Variants in CTNND2 observed in about 807,000 individuals in gnomAD.
CTNND2 encodes the protein catenin delta 2.
Under a neutral mutation model 144.4 loss-of-function variants are expected in CTNND2, and 22 were observed. The ratio of observed to expected loss-of-function variants is 0.15; its 90% confidence interval spans 0.11 to 0.22. The LOEUF (loss-of-function observed/expected upper bound fraction) is 0.22. Ranked by LOEUF, CTNND2 falls within the 10% of genes least tolerant of loss-of-function variation. The pLI is 1.00. For synonymous variants in CTNND2, 751 were observed against 695.6 expected (o/e 1.08, Z -1.25); for missense variants, 1,353 against 1,618.8 (o/e 0.84, Z 2.82).
intron 2 of CTNND2, among the ~76,000 whole-genome samples, chr5:11,646,726 C>A (rs1474804951): frequency 2.0e-5 from 3 of 152,072 alleles, no homozygotes; most frequent in Admixed American, 6.5e-5. Flanking sequence ...GCTTTTCTTC[C>A]CTTCCTCTCT....
At chr5:11,331,403 G>T (rs1172483737) in intron 9 of CTNND2, among the ~76,000 whole-genome samples, 5 of 152,192 alleles carry the variant, frequency 3.3e-5, no homozygotes, top group African/African-American at 1.2e-4. Flanking sequence ...AAAAGGCACA[G>T]TAGGAACTCC....
chr5:11,897,088 C>G (rs937807571), intron 1 of CTNND2, among the ~76,000 whole-genome samples: 2 of 152,124 alleles, frequency 1.3e-5, no homozygotes, highest in Admixed American at 6.5e-5. Flanking sequence ...GATTCTTCTT[C>G]CTTATTTGGT....
intron 3 of CTNND2, among the ~76,000 whole-genome samples, chr5:11,479,855 G>A (rs31937): frequency 0.43 from 64,978 of 151,724 alleles, 14,080 homozygotes; most frequent in Middle Eastern, 0.58. Flanking sequence ...TTTCTTATAA[G>A]TTGGTTTAAG....
At chr5:11,659,916 G>T (rs1020433808) in intron 2 of CTNND2, among the ~76,000 whole-genome samples, 1 of 152,112 alleles carries the variant, frequency 6.6e-6, no homozygotes, top group African/African-American at 2.4e-5. Context: ...TCTTACTGTA[G>T]TAGTAATAGT....
chr5:11,521,668 T>A (rs918836164), intron 3 of CTNND2, among the ~76,000 whole-genome samples: 1 of 152,350 alleles, frequency 6.6e-6, no homozygotes, highest in South Asian at 2.1e-4. Context: ...ATTTAGTAAA[T>A]GTATATTAAG....
chr5:11,015,410 C>G (rs1178728724), intron 18 of CTNND2, among the ~76,000 whole-genome samples: 1 of 152,166 alleles, frequency 6.6e-6, no homozygotes, highest in Non-Finnish European at 1.5e-5. Context: ...ATCATGGGTC[C>G]ACTGAAAACA....
At chr5:11,758,045 A>T (rs1789048408) in intron 1 of CTNND2, among the ~76,000 whole-genome samples, 1 of 151,970 alleles carries the variant, frequency 6.6e-6, no homozygotes, top group Non-Finnish European at 1.5e-5. Context: ...TTTGGATGTA[A>T]TAGTTCTTTT....
intron 15 of CTNND2, among the ~76,000 whole-genome samples, chr5:11,091,744 T>C (rs1450972611): frequency 1.3e-5 from 2 of 152,218 alleles, no homozygotes; most frequent in East Asian, 1.9e-4. Context: ...CAGTGGCCCA[T>C]GGATTATGAG....
At chr5:11,471,676 G>A (rs1412840122) in intron 3 of CTNND2, among the ~76,000 whole-genome samples, 2 of 152,138 alleles carry the variant, frequency 1.3e-5, no homozygotes, top group Non-Finnish European at 2.9e-5. Flanking sequence ...ATTCTATAAA[G>A]GCCAAAAAGT....
At chr5:11,644,451 G>A (rs1782238671) in intron 2 of CTNND2, among the ~76,000 whole-genome samples, 1 of 152,120 alleles carries the variant, frequency 6.6e-6, no homozygotes, top group Non-Finnish European at 1.5e-5. Flanking sequence ...AAGACGGGTG[G>A]ATCAGGAGGT....
intron 9 of CTNND2, among the ~76,000 whole-genome samples, chr5:11,250,487 C>CTATATATATA (rs1282598853): frequency 2.7e-4 from 18 of 67,182 alleles, no homozygotes; most frequent in Non-Finnish European, 4.3e-4. Context: ...CTCTCTCTCT[C>CTATATATATA]TCTCTATATA....
intron 12 of CTNND2, among the ~76,000 whole-genome samples, chr5:11,147,203 C>A (rs1263301343): frequency 1.3e-5 from 2 of 152,128 alleles, no homozygotes; most frequent in Non-Finnish European, 2.9e-5. Context: ...GCCTTAAATA[C>A]CCAAGCACAC....
At chr5:11,349,426 G>A (rs1276598674) in intron 8 of CTNND2, among the ~76,000 whole-genome samples, 2 of 152,102 alleles carry the variant, frequency 1.3e-5, no homozygotes, top group East Asian at 3.9e-4. Context: ...AGGAAACTGA[G>A]GCTCAGAGAG....
Position 11,110,926 on chromosome 5 carries a change from T to C in CTNND2, c.2395A>G (p.Asn799Asp), listed in dbSNP as rs765926897. 1 of 1,614,156 alleles carries C rather than the reference T, an allele frequency of 6.2e-7. No homozygotes were observed. Among genetic ancestry groups the C allele is most frequent in the South Asian group, 1.1e-5 (1 of 91,078 alleles). ...CCAGAGCTCTCAGCATCCTTGCCAT[T>C]GGCCTCGCCACAGAGTAGCCCGTCC... Reference protein sequence around the residue: ...ELDGLLCGEANGKDAESSGCW... With the variant: ...ELDGLLCGEADGKDAESSGCW... Residue 799 changes from asparagine (N) to aspartate (D), a missense_variant, in exon 14 of 22, where the codon AAT becomes GAT. Around this residue, in one of 4 missense-constraint regions of CTNND2, gnomAD observed 459 missense variants for 674.3 expected, o/e 0.68. Transcript: ENST00000304623.
At chr5:11,610,637 G>A (rs1780272223) in intron 2 of CTNND2, among the ~76,000 whole-genome samples, 1 of 152,142 alleles carries the variant, frequency 6.6e-6, no homozygotes, top group Non-Finnish European at 1.5e-5. Flanking sequence ...GTAATAGAAT[G>A]TTATTTCAAT....
intron 3 of CTNND2, among the ~76,000 whole-genome samples, chr5:11,560,496 C>T (rs1275065102): frequency 5.3e-5 from 8 of 152,128 alleles, no homozygotes; most frequent in African/African-American, 1.7e-4. Context: ...CTATTAGGTG[C>T]CCTTAAATTT....
chr5:11,883,914 C>T (rs554360597), intron 1 of CTNND2, among the ~76,000 whole-genome samples: 11 of 152,310 alleles, frequency 7.2e-5, no homozygotes, highest in African/African-American at 2.4e-4. Flanking sequence ...TTTTGATTTG[C>T]TTTTATCTAA....
intron 3 of CTNND2, among the ~76,000 whole-genome samples, chr5:11,517,799 A>G (rs1361977270): frequency 6.6e-6 from 1 of 151,996 alleles, no homozygotes; most frequent in Non-Finnish European, 1.5e-5. Flanking sequence ...TAAAAAGAAA[A>G]TAATAATAAA....
intron 16 of CTNND2, among the ~76,000 whole-genome samples, chr5:11,061,774 T>C (rs767109750): frequency 6.6e-6 from 1 of 152,114 alleles, no homozygotes; most frequent in Non-Finnish European, 1.5e-5. Flanking sequence ...AGTGGTGCAA[T>C]CTCGGCTCAC....
Sources: allele counts gnomAD v4.1 joint callset (sites outside exome capture counted in the v4.1 genomes callset), GRCh38; gene constraint gnomAD v4.1.1; regional missense constraint gnomAD v4.1.1; transcripts MANE v1.5; gene names NCBI Gene and HGNC (gene_info 2026-07-23, HGNC 2026-07-21).